The following ITPR2 variants were observed in gnomAD, a reference collection of about 807,000 sequenced individuals.
ITPR2 encodes the protein inositol 1,4,5-trisphosphate-gated calcium channel ITPR2.
Under a neutral mutation model 317.1 loss-of-function variants are expected in ITPR2, and 207 were observed. The ratio of observed to expected loss-of-function variants is 0.65; its 90% CI spans 0.58 to 0.73. ITPR2 has a LOEUF of 0.73. Among genes scored for constraint, ITPR2 ranks in the 30% least tolerant of loss-of-function variants. The pLI is 0.00. For synonymous variants in ITPR2, 1,156 were observed against 1,149.1 expected (o/e 1.01, Z -0.12); for missense variants, 2,613 against 3,284.0 (o/e 0.80, Z 4.99).
rs969631915 is a variant in ITPR2 at position 26,833,150 on chromosome 12, G to C, written c.-369C>G. The C allele has an allele frequency of 4.3e-6, 1 of 230,976 alleles. No homozygotes were observed. The highest frequency in any genetic ancestry group is 8.3e-6 in the Non-Finnish European group (1 of 119,928). The allele number at this position is 230,976 out of a possible 1,614,324, so 14.3% of individuals were successfully genotyped here. A position where few individuals can be genotyped will look rare whatever the true frequency, so the allele number is the denominator to read the frequency against. ...GCTCCCCACTCCGTGTCCACTCCCTGCTCTGCGACCCGCTGCGGCCGTCAC... is the reference window on the plus strand; with the variant it reads ...GCTCCCCACTCCGTGTCCACTCCCTCCTCTGCGACCCGCTGCGGCCGTCAC... On this transcript the variant is annotated 5_prime_UTR_variant, in exon 1 of 57. Coordinates refer to ENST00000381340, the MANE Select transcript of ITPR2 (RefSeq NM_002223.4).
intron 55 of ITPR2, among the ~76,000 whole-genome samples, chr12:26,355,166 C>T (rs1274024053): frequency 6.6e-6 from 1 of 152,156 alleles, no homozygotes; most frequent in Non-Finnish European, 1.5e-5. Context: ...TAAGGTCTAA[C>T]CAATGATTTC....
At position 26,534,071 on chromosome 12, in the gene ITPR2, A is replaced by G. The variant is rs537488426; in HGVS notation, c.5073+16176T>C. 1.8e-4 allele frequency among the ~76,000 whole-genome samples: 27 copies of G among 152,274 alleles called. No homozygotes were observed. The East Asian group carries it at 4.6e-3, about 26-fold the overall frequency. ...CTGATCCAGAGGGCCACTGCTTGAC[A>G]TGTCCATTCTCCTAACCCCGTGGAG... is the stretch of plus-strand genomic sequence containing the variant. On this transcript the variant is annotated intron_variant, in intron 37 of 56. Transcript: ENST00000381340.
At chr12:26,532,582 T>A (rs539713594) in intron 37 of ITPR2, among the ~76,000 whole-genome samples, 17 of 152,312 alleles carry the variant, frequency 1.1e-4, no homozygotes, top group African/African-American at 3.1e-4. Flanking sequence ...AGTGTTGGGA[T>A]CACAGGCATG....
intron 44 of ITPR2, among the ~76,000 whole-genome samples, chr12:26,476,313 T>C (rs1043667979): frequency 6.6e-6 from 1 of 152,220 alleles, no homozygotes; most frequent in Admixed American, 6.5e-5. Context: ...GAGTACATTC[T>C]CAATGCTTTT....
chr12:26,387,691 A>C (rs1245200021), intron 54 of ITPR2, 97 bp from the exon 55 acceptor site: 5 of 1,198,938 alleles, frequency 4.2e-6, no homozygotes, highest in Non-Finnish European at 3.5e-6. Flanking sequence ...TGTGAAAAAA[A>C]TGCTTTCAGT....
chr12:26,661,299 C>G (rs10842768), intron 15 of ITPR2, among the ~76,000 whole-genome samples: 494 of 48,188 alleles, frequency 0.01, 2 homozygotes, highest in East Asian at 0.015. Context: ...TGGGAGGGAA[C>G]GGGCACGTGC....
intron 36 of ITPR2, among the ~76,000 whole-genome samples, chr12:26,554,742 GA>G (rs1944619344): frequency 6.6e-6 from 1 of 151,806 alleles, no homozygotes; most frequent in African/African-American, 2.4e-5. Context: ...TATAGGAGAT[GA>G]AGGGTATTTA....
At chr12:26,672,699 T>A (rs973688312) in intron 13 of ITPR2, among the ~76,000 whole-genome samples, 1 of 151,370 alleles carries the variant, frequency 6.6e-6, no homozygotes, top group African/African-American at 2.4e-5. Context: ...ATAACTAAAA[T>A]CAGAGCAGAA....
chr12:26,654,518 T>C (rs1004157045), intron 20 of ITPR2, among the ~76,000 whole-genome samples: 1 of 152,204 alleles, frequency 6.6e-6, no homozygotes, highest in Non-Finnish European at 1.5e-5. Flanking sequence ...TGCTGCTTTG[T>C]GGTCTTGTGG....
intron 12 of ITPR2, 117 bp from the exon 13 acceptor site, chr12:26,682,151 G>A: frequency 1.2e-6 from 1 of 808,926 alleles, no homozygotes; most frequent in Non-Finnish European, 2.0e-6. Flanking sequence ...TCCGAACACA[G>A]TAACTCCCAC....
At chr12:26,579,233 C>T (rs1462397976) in intron 33 of ITPR2, among the ~76,000 whole-genome samples, 1 of 152,052 alleles carries the variant, frequency 6.6e-6, no homozygotes, top group African/African-American at 2.4e-5. Flanking sequence ...ACTACAGAAA[C>T]AATTTCCTAT....
chr12:26,598,822 T>C (rs1421894250), intron 30 of ITPR2, among the ~76,000 whole-genome samples: 1 of 152,240 alleles, frequency 6.6e-6, no homozygotes, highest in Non-Finnish European at 1.5e-5. Flanking sequence ...GTCTTTCTTA[T>C]ATCATTGGAA....
chr12:26,465,081 TAA>T (rs1942136385), intron 45 of ITPR2, among the ~76,000 whole-genome samples: 1 of 152,220 alleles, frequency 6.6e-6, no homozygotes. Flanking sequence ...GTCATGTGAC[TAA>T]GTGACATTCA....
intron 5 of ITPR2, among the ~76,000 whole-genome samples, chr12:26,721,708 T>A (rs1405036915): frequency 2.0e-5 from 3 of 152,196 alleles, no homozygotes; most frequent in African/African-American, 7.2e-5. Flanking sequence ...TTATTCTCTA[T>A]TTTATAAAGT....
intron 37 of ITPR2, among the ~76,000 whole-genome samples, chr12:26,508,479 C>T (rs1734784802): frequency 1.3e-5 from 2 of 152,096 alleles, no homozygotes; most frequent in African/African-American, 4.8e-5. Flanking sequence ...GCCCAATTCA[C>T]TACTGTAAAT....
chr12:26,828,240 A>C (rs1951037706), intron 1 of ITPR2, among the ~76,000 whole-genome samples: 1 of 146,502 alleles, frequency 6.8e-6, no homozygotes, highest in Non-Finnish European at 1.5e-5. Flanking sequence ...GAAAGTGTAC[A>C]AATAATGACC....
intron 55 of ITPR2, among the ~76,000 whole-genome samples, chr12:26,371,016 T>A (rs192672694): frequency 6.6e-6 from 1 of 152,318 alleles, no homozygotes; most frequent in Admixed American, 6.5e-5. Flanking sequence ...CCATCTTCAA[T>A]TTCATTCTGT....
At chr12:26,417,046 A>G (rs912960371) in intron 50 of ITPR2, among the ~76,000 whole-genome samples, 4 of 152,318 alleles carry the variant, frequency 2.6e-5, no homozygotes, top group South Asian at 4.1e-4. Flanking sequence ...TGAAAACAAA[A>G]TCTAGAGTGT....
chr12:26,449,034 T>A (rs1941677240), intron 45 of ITPR2, among the ~76,000 whole-genome samples: 1 of 152,156 alleles, frequency 6.6e-6, no homozygotes, highest in Non-Finnish European at 1.5e-5. Flanking sequence ...AGGATTTTAA[T>A]CTTCATTTCA....
Sources: gnomAD v4.1 joint callset for allele counts (sites outside exome capture counted in the v4.1 genomes callset) on GRCh38, gnomAD v4.1.1 for gene constraint, MANE v1.5 for transcripts, NCBI Gene and HGNC (gene_info 2026-07-23, HGNC 2026-07-21) for gene names.